DOCK5: variants seen among roughly 807,000 people sequenced by gnomAD.
DOCK5 encodes the protein dedicator of cytokinesis protein 5.
DOCK5 carries 142 observed loss-of-function variants against 251.8 expected under a neutral mutation model. The observed-to-expected ratio is 0.56, with a 90% confidence interval of 0.49 to 0.65. The LOEUF is 0.65. DOCK5 is among the 30% of genes least tolerant of loss of function. The pLI is 0.00. For synonymous variants in DOCK5, 842 were observed against 835.5 expected (o/e 1.01, Z -0.13); for missense variants, 2,111 against 2,312.3 (o/e 0.91, Z 1.79).
intron 25 of DOCK5, among the ~76,000 whole-genome samples, chr8:25,344,610 A>G (rs1400852861): frequency 2.6e-5 from 4 of 152,178 alleles, no homozygotes; most frequent in Non-Finnish European, 5.9e-5. Context: ...TTGGGCTCTG[A>G]TATTTTCTGA....
At chr8:25,337,396 A>G (rs947488139) in intron 22 of DOCK5, among the ~76,000 whole-genome samples, 3 of 152,146 alleles carry the variant, frequency 2.0e-5, no homozygotes, top group African/African-American at 2.4e-5. Flanking sequence ...AGTCTGAATA[A>G]AAACAAAAAA....
chr8:25,269,619 A>G (rs938816148), intron 3 of DOCK5, among the ~76,000 whole-genome samples: 1 of 152,246 alleles, frequency 6.6e-6, no homozygotes. Flanking sequence ...ACTAATCGTC[A>G]GGCTAAAGAA....
chr8:25,372,088 T>G (rs1482450470), intron 34 of DOCK5, among the ~76,000 whole-genome samples: 2 of 152,220 alleles, frequency 1.3e-5, no homozygotes, highest in Non-Finnish European at 1.5e-5. Flanking sequence ...AGGCTGGGCA[T>G]CCATACGAGG....
chr8:25,242,289 A>G (rs1013904654), intron 1 of DOCK5, among the ~76,000 whole-genome samples: 12 of 152,126 alleles, frequency 7.9e-5, no homozygotes, highest in African/African-American at 2.4e-5. Context: ...CATTCACATA[A>G]GGTTCTTATG....
At chr8:25,356,598 A>G (rs544485013) in intron 27 of DOCK5, among the ~76,000 whole-genome samples, 1 of 151,966 alleles carries the variant, frequency 6.6e-6, no homozygotes, top group Non-Finnish European at 1.5e-5. Flanking sequence ...GCCCCAGGGA[A>G]GTCGAGGCTA....
intron 38 of DOCK5, among the ~76,000 whole-genome samples, chr8:25,379,665 G>A (rs1288174627): frequency 6.6e-6 from 1 of 152,146 alleles, no homozygotes; most frequent in Non-Finnish European, 1.5e-5. Context: ...ATTAAAGTAA[G>A]ACAGGCGTAA....
chr8:25,243,259 C>A (rs1803001983), intron 1 of DOCK5, among the ~76,000 whole-genome samples: 1 of 151,584 alleles, frequency 6.6e-6, no homozygotes, highest in African/African-American at 2.4e-5. Flanking sequence ...CTGTGCTTTA[C>A]AGTGGGCAAT....
At chr8:25,257,071 T>C (rs1471656696) in intron 2 of DOCK5, among the ~76,000 whole-genome samples, 1 of 152,122 alleles carries the variant, frequency 6.6e-6, no homozygotes, top group African/African-American at 2.4e-5. Context: ...GTAATTTAAG[T>C]AGTTGAGAGA....
At chr8:25,190,227 A>C (rs1405101078) in intron 1 of DOCK5, among the ~76,000 whole-genome samples, 2 of 152,230 alleles carry the variant, frequency 1.3e-5, no homozygotes, top group Non-Finnish European at 2.9e-5. Flanking sequence ...ACAAAGTTCC[A>C]AGTCACTGTA....
intron 1 of DOCK5, among the ~76,000 whole-genome samples, chr8:25,193,749 A>G (rs1801644418): frequency 6.6e-6 from 1 of 152,100 alleles, no homozygotes; most frequent in African/African-American, 2.4e-5. Flanking sequence ...TGGGTGAGCG[A>G]GTGAGACCCT....
chr8:25,325,532 A>G lies in DOCK5; in HGVS notation c.1888A>G (p.Lys630Glu). 1 of 1,613,532 alleles carries G rather than the reference A, an allele frequency of 6.2e-7. No individual in the cohort carries two copies. The highest frequency in any genetic ancestry group is 8.5e-7 in the Non-Finnish European group (1 of 1,179,624). ...FQIATLICSTKLTQNVDLLGL... is the reference protein window; with the variant it reads ...FQIATLICSTELTQNVDLLGL... ...GATTGCCACCCTCATCTGCTCCACA[A>G]AGCTCACCCAGAATGGTAGGAGTGG... The change falls in exon 18 of 52, where the codon AAG becomes GAG. Residue 630 changes from lysine (K) to glutamate (E), a missense_variant. Around this residue, in one of 3 missense-constraint regions of DOCK5, gnomAD observed 1,717 missense variants for 1,892.4 expected, o/e 0.91. Transcript: ENST00000276440.
chr8:25,361,472 G>C (rs1563215921), intron 28 of DOCK5, among the ~76,000 whole-genome samples: 1 of 152,038 alleles, frequency 6.6e-6, no homozygotes, highest in Non-Finnish European at 1.5e-5. Context: ...TAATTACCCA[G>C]GGGTGATGGC....
chr8:25,238,968 G>T (rs1200759091), intron 1 of DOCK5, among the ~76,000 whole-genome samples: 1 of 152,184 alleles, frequency 6.6e-6, no homozygotes, highest in Non-Finnish European at 1.5e-5. Flanking sequence ...GATTGTCTAT[G>T]ATTAAAAACC....
Position 25,288,593 on chromosome 8 carries a change from T to G in DOCK5, c.322-3431T>G, listed in dbSNP as rs534194666. 2.6e-5 allele frequency among the ~76,000 whole-genome samples: 4 copies of G among 152,318 alleles called. No individual in the cohort carries two copies. In the East Asian group the frequency reaches 7.7e-4, roughly 29 times the overall value. ...AGGATCCCCGGAGCCTTTGAACCCT[T>G]TCTTTACCATATTATGAGAAGCAAT... On this transcript the variant is annotated intron_variant, in intron 5 of 51. Coordinates refer to ENST00000276440, the MANE Select transcript of DOCK5 (RefSeq NM_024940.8).
intron 40 of DOCK5, among the ~76,000 whole-genome samples, chr8:25,385,177 C>T (rs757539846): frequency 9.2e-5 from 14 of 152,008 alleles, no homozygotes; most frequent in Non-Finnish European, 1.9e-4. Context: ...CTTGGGGTTT[C>T]CTGGGGTGTT....
intron 41 of DOCK5, among the ~76,000 whole-genome samples, chr8:25,389,498 A>C (rs1225649899): frequency 6.6e-6 from 1 of 152,220 alleles, no homozygotes; most frequent in Admixed American, 6.5e-5. Context: ...TAAGTGGAAT[A>C]TATACTTTCT....
At chr8:25,333,638 G>A (rs1444152846) in intron 20 of DOCK5, among the ~76,000 whole-genome samples, 1 of 152,206 alleles carries the variant, frequency 6.6e-6, no homozygotes, top group Non-Finnish European at 1.5e-5. Flanking sequence ...AGCAGTGCAA[G>A]AGAATATACA....
chr8:25,372,874 G>C (rs1406325662), intron 35 of DOCK5, among the ~76,000 whole-genome samples, 156 bp downstream of exon 35: 2 of 152,220 alleles, frequency 1.3e-5, no homozygotes, highest in African/African-American at 4.8e-5. Context: ...GGCTGGCTCA[G>C]CTCACAGGTA....
intron 23 of DOCK5, 137 bp from the exon 24 acceptor site, chr8:25,341,602 C>T (rs1003904567): frequency 4.2e-6 from 3 of 720,192 alleles, no homozygotes; most frequent in Admixed American, 5.8e-5. Context: ...TGCCAGCTTT[C>T]CTTTTTATTG....
Sources: allele counts gnomAD v4.1 joint callset (sites outside exome capture counted in the v4.1 genomes callset), GRCh38; gene constraint gnomAD v4.1.1; regional missense constraint gnomAD v4.1.1; transcripts MANE v1.5; gene names NCBI Gene and HGNC (gene_info 2026-07-23, HGNC 2026-07-21).